Variants in LRRC7 observed in about 807,000 individuals in gnomAD.
LRRC7 encodes leucine rich repeat containing 7, also known as leucine-rich repeat-containing protein 7.
In LRRC7, 23 loss-of-function variants were observed where a neutral mutation model predicts 175.7. The observed-to-expected ratio is 0.13, with a 90% CI of 0.09 to 0.19. The LOEUF is 0.19. LRRC7 is among the 10% of genes least tolerant of loss of function. The pLI, the probability that LRRC7 is intolerant of heterozygous loss-of-function variation, is 1.00. For missense variants in LRRC7, 1,354 were observed against 1,904.7 expected, an observed-to-expected ratio of 0.71 and a Z score of 5.38; for synonymous variants, 685 against 680.9, an observed-to-expected ratio of 1.01 and a Z score of -0.09.
intron 9 of LRRC7, among the ~76,000 whole-genome samples, chr1:69,983,251 C>T (rs1264961941): frequency 1.3e-5 from 2 of 152,272 alleles, no homozygotes; most frequent in East Asian, 1.9e-4. Context: ...TTCAGTCACT[C>T]GAAGCCTGTG....
At chr1:69,883,184 A>G (rs1002953368) in intron 7 of LRRC7, among the ~76,000 whole-genome samples, 4 of 151,548 alleles carry the variant, frequency 2.6e-5, no homozygotes, top group South Asian at 2.1e-4. Context: ...CTGAGGAATC[A>G]CCACACTGAC....
chr1:69,601,664 T>C (rs530401751), intron 1 of LRRC7, among the ~76,000 whole-genome samples: 1 of 152,340 alleles, frequency 6.6e-6, no homozygotes, highest in East Asian at 1.9e-4. Flanking sequence ...TTGTTAATGA[T>C]AAATATGTTT....
At chr1:69,933,480 C>G (rs1044365149) in intron 8 of LRRC7, among the ~76,000 whole-genome samples, 20 of 152,248 alleles carry the variant, frequency 1.3e-4, no homozygotes, top group Non-Finnish European at 2.2e-4. Context: ...TCTGCCCACA[C>G]ATTTATTAAG....
chr1:69,818,806 C>G (rs1239538354), intron 4 of LRRC7, among the ~76,000 whole-genome samples: 1 of 151,976 alleles, frequency 6.6e-6, no homozygotes, highest in Non-Finnish European at 1.5e-5. Context: ...ATTTTTTATT[C>G]ATGATTCAGT....
chr1:69,670,416 C>T (rs570177392), intron 1 of LRRC7, among the ~76,000 whole-genome samples: 26 of 152,156 alleles, frequency 1.7e-4, no homozygotes, highest in Non-Finnish European at 3.8e-4. Context: ...TTCTGAGCTA[C>T]TTGGAGCTGT....
At chr1:69,800,078 C>A (rs756190127) in intron 4 of LRRC7, among the ~76,000 whole-genome samples, 2 of 151,896 alleles carry the variant, frequency 1.3e-5, no homozygotes, top group Non-Finnish European at 2.9e-5. Context: ...TCTGACTTTT[C>A]GATTCTATTC....
At chr1:69,882,341 A>G (rs1686703628) in intron 7 of LRRC7, among the ~76,000 whole-genome samples, 1 of 152,208 alleles carries the variant, frequency 6.6e-6, no homozygotes, top group Non-Finnish European at 1.5e-5. Flanking sequence ...CATATGATCC[A>G]GCAATTCCCC....
chr1:69,918,380 T>C (rs1646782104), intron 7 of LRRC7, among the ~76,000 whole-genome samples: 1 of 152,222 alleles, frequency 6.6e-6, no homozygotes, highest in Non-Finnish European at 1.5e-5. Flanking sequence ...AATACTAACA[T>C]AAAAATACCA....
chr1:70,045,731 T>C (rs1660275572), intron 22 of LRRC7, among the ~76,000 whole-genome samples: 1 of 152,160 alleles, frequency 6.6e-6, no homozygotes, highest in African/African-American at 2.4e-5. Flanking sequence ...TTTAATTGAC[T>C]TACAGTTCCA....
rs905039681 is a variant in LRRC7, at chr1:70,136,051, C to G, written c.*14164C>G. Among the ~76,000 whole-genome samples, 3 of 127,124 alleles carry G rather than the reference C, an allele frequency of 2.4e-5. No individual in the cohort carries two copies. Among genetic ancestry groups the G allele is most frequent in the African/African-American group, 9.3e-5 (3 of 32,402 alleles). The allele number at this position is 127,124 out of a possible 152,430, so 83.4% of individuals were successfully genotyped here. A position where few individuals can be genotyped will look rare whatever the true frequency, so the allele number is the denominator to read the frequency against. On this transcript the variant is annotated 3_prime_UTR_variant, in exon 27 of 27. Coordinates refer to ENST00000651989, the MANE Select transcript of LRRC7 (RefSeq NM_001370785.2). ...AACTTGGGAATTAATATCTCTCTCTCTCTGTGTGTGTCTGTGTGTGTGTCT... is the reference window on the plus strand; with the variant it reads ...AACTTGGGAATTAATATCTCTCTCTGTCTGTGTGTGTCTGTGTGTGTGTCT...
rs538749573 is a variant in LRRC7, at chr1:69,760,772, A to G, written c.303+379A>G. On this transcript the variant is annotated intron_variant, in intron 3 of 26. Transcript: ENST00000651989. ...CTATGTTGTATATTAAGGTGACATTATATTACAACCTTGAATTGTATGCTG... is the reference window on the plus strand; with the variant it reads ...CTATGTTGTATATTAAGGTGACATTGTATTACAACCTTGAATTGTATGCTG... Among the ~76,000 whole-genome samples the G allele has an allele frequency of 2.1e-3, 320 of 152,214 alleles. 2 individuals carry two copies. Among genetic ancestry groups the G allele is most frequent in the African/African-American group, 7.4e-3 (306 of 41,558 alleles).
At chr1:69,883,177 AG>A (rs1468215476) in intron 7 of LRRC7, among the ~76,000 whole-genome samples, 11 of 151,784 alleles carry the variant, frequency 7.2e-5, no homozygotes, top group Non-Finnish European at 5.9e-5. Context: ...TAGATCCCTG[AG>A]GAATCACCAC....
intron 2 of LRRC7, among the ~76,000 whole-genome samples, chr1:69,741,060 G>C (rs1668655025): frequency 6.6e-6 from 1 of 151,786 alleles, no homozygotes; most frequent in African/African-American, 2.4e-5. Context: ...ATGACCAAAG[G>C]CAAACTTGCA....
intron 25 of LRRC7, among the ~76,000 whole-genome samples, chr1:70,092,807 T>C (rs1410183713): frequency 6.6e-6 from 1 of 152,168 alleles, no homozygotes; most frequent in Non-Finnish European, 1.5e-5. Context: ...TGAGGCTTTA[T>C]GGAGGAATCA....
At chr1:70,118,342 CAA>C (rs201164918) in intron 26 of LRRC7, among the ~76,000 whole-genome samples, 24 of 140,652 alleles carry the variant, frequency 1.7e-4, no homozygotes, top group African/African-American at 5.9e-4. Context: ...TCCTTCCACT[CAA>C]AAAAAAAAAA....
At chr1:69,812,255 C>T (rs137917390) in intron 4 of LRRC7, among the ~76,000 whole-genome samples, 71 of 152,158 alleles carry the variant, frequency 4.7e-4, no homozygotes, top group African/African-American at 1.6e-3. Context: ...TATATCCCAA[C>T]GTAGTTTAAA....
intron 1 of LRRC7, among the ~76,000 whole-genome samples, chr1:69,591,253 CCAAA>C (rs1646622186): frequency 1.3e-5 from 2 of 152,134 alleles, no homozygotes; most frequent in Non-Finnish European, 1.5e-5. Context: ...ACAATCAATG[CCAAA>C]CAAACATGAG....
intron 1 of LRRC7, among the ~76,000 whole-genome samples, chr1:69,640,230 C>A (rs889055464): frequency 6.6e-6 from 1 of 151,654 alleles, no homozygotes; most frequent in Non-Finnish European, 1.5e-5. Context: ...TTTCTGATGT[C>A]TTTTCCACAA....
chr1:69,589,809 C>T (rs944867113), intron 1 of LRRC7, among the ~76,000 whole-genome samples: 1 of 152,138 alleles, frequency 6.6e-6, no homozygotes, highest in Non-Finnish European at 1.5e-5. Context: ...GATACTACAT[C>T]AACCACTCTT....
Sources: allele counts gnomAD v4.1 joint callset (sites outside exome capture counted in the v4.1 genomes callset), GRCh38; gene constraint gnomAD v4.1.1; transcripts MANE v1.5; gene names NCBI Gene and HGNC (gene_info 2026-07-23, HGNC 2026-07-21).